Variants in CNTNAP5 observed in about 807,000 individuals in gnomAD.
CNTNAP5 encodes contactin-associated protein-like 5.
In CNTNAP5, 72 loss-of-function variants were observed where a neutral mutation model predicts 150.2. The observed-to-expected ratio is 0.48, with a 90% CI of 0.40 to 0.58. The LOEUF (loss-of-function observed/expected upper bound fraction) is 0.58. Among genes scored for constraint, CNTNAP5 ranks in the 20% least tolerant of loss-of-function variants. CNTNAP5 has a pLI of 0.00. For missense variants in CNTNAP5, 1,636 were observed against 1,626.2 expected (o/e 1.01, Z -0.10); for synonymous variants, 672 against 619.8 (o/e 1.08, Z -1.25).
intron 17 of CNTNAP5, among the ~76,000 whole-genome samples, chr2:124,774,571 T>G (rs1681279519): frequency 1.3e-5 from 2 of 152,220 alleles, no homozygotes; most frequent in African/African-American, 2.4e-5. Flanking sequence ...TTTTAAAAAT[T>G]TATATTGCTG....
At chr2:124,611,405 C>T (rs1504016) in intron 12 of CNTNAP5, among the ~76,000 whole-genome samples, 136,868 of 152,196 alleles carry the variant, frequency 0.9, 62,477 homozygotes, top group East Asian at 1. Flanking sequence ...TTGGGTGCCA[C>T]GTCCTTGCAT....
chr2:124,666,442 A>G (rs1573534370), intron 13 of CNTNAP5, among the ~76,000 whole-genome samples: 2 of 152,200 alleles, frequency 1.3e-5, no homozygotes, highest in East Asian at 3.9e-4. Context: ...ATTTATTAGT[A>G]TCTTATTGTC....
intron 10 of CNTNAP5, among the ~76,000 whole-genome samples, chr2:124,535,606 CAAAAA>C (rs1168717177): frequency 2.4e-4 from 18 of 75,976 alleles, no homozygotes; most frequent in South Asian, 5.1e-4. Context: ...TACTGAAATA[CAAAAA>C]AAAAAAAAAA....
At position 124,254,619 on chromosome 2, in the gene CNTNAP5, T is replaced by A. The variant is rs191643629; in HGVS notation, c.381+12226T>A. On this transcript the variant is annotated intron_variant, in intron 3 of 23. Transcript: ENST00000682447. The stretch of plus-strand genomic sequence containing the variant: ...TGACCAGATTTTAAGCCACTGGCAT[T>A]TTGTTTAAGTCAGTTCCCAGTAAAA... 1.4e-4 allele frequency among the ~76,000 whole-genome samples: 21 copies of A among 152,302 alleles called. No individual in the cohort carries two copies. The East Asian group carries it at 3.7e-3, about 27-fold the overall frequency.
chr2:124,477,183 A>G (rs924725744), intron 7 of CNTNAP5, among the ~76,000 whole-genome samples: 1 of 152,106 alleles, frequency 6.6e-6, no homozygotes, highest in African/African-American at 2.4e-5. Flanking sequence ...TCTTTAATCC[A>G]TGGCAAGAGT....
intron 19 of CNTNAP5, among the ~76,000 whole-genome samples, chr2:124,835,897 C>T (rs1287177049): frequency 6.6e-6 from 1 of 152,074 alleles, no homozygotes; most frequent in African/African-American, 2.4e-5. Context: ...ATCTCTTGTC[C>T]TAGATCACAC....
At chr2:124,306,858 G>T (rs1238666009) in intron 3 of CNTNAP5, among the ~76,000 whole-genome samples, 1 of 151,048 alleles carries the variant, frequency 6.6e-6, no homozygotes, top group Non-Finnish European at 1.5e-5. Flanking sequence ...CTCCTGAGTA[G>T]CTGGGATTAC....
intron 3 of CNTNAP5, among the ~76,000 whole-genome samples, chr2:124,308,214 T>A (rs887493451): frequency 6.6e-6 from 1 of 152,066 alleles, no homozygotes; most frequent in African/African-American, 2.4e-5. Context: ...TGTAAGAAAG[T>A]TATATTTTCT....
At chr2:124,367,670 G>C (rs1452411366) in intron 3 of CNTNAP5, among the ~76,000 whole-genome samples, 1 of 152,074 alleles carries the variant, frequency 6.6e-6, no homozygotes, top group Non-Finnish European at 1.5e-5. Flanking sequence ...GCAGTCTGTT[G>C]GCATAAATTA....
In CNTNAP5 at chr2:124,909,824, G is replaced by GATATATATATATATAT. The variant is rs1203121251; in HGVS notation, c.3656-1642_3656-1641insTATATATATATATATA. Among the ~76,000 whole-genome samples the GATATATATATATATAT allele has an allele frequency of 1.6e-3, 48 of 29,202 alleles. 2 individuals carry two copies. The highest frequency in any genetic ancestry group is 4.5e-3 in the African/African-American group (47 of 10,460). The allele number at this position is 29,202 out of a possible 152,430, so 19.2% of individuals were successfully genotyped here. On this transcript the variant is annotated intron_variant, in intron 22 of 23. Transcript: ENST00000682447. ...TATCACCCCATCGTTATCAATTGGT[G>GATATATATATATATAT]ACATATATATATATATATATATATA...
intron 1 of CNTNAP5, among the ~76,000 whole-genome samples, chr2:124,112,784 C>T (rs911110972): frequency 2.0e-5 from 3 of 152,098 alleles, no homozygotes; most frequent in African/African-American, 7.2e-5. Context: ...CAGCAAGCAT[C>T]CTTAAACACT....
chr2:124,226,047 G>T (rs1315207246), intron 2 of CNTNAP5, among the ~76,000 whole-genome samples: 3 of 152,038 alleles, frequency 2.0e-5, no homozygotes, highest in Non-Finnish European at 4.4e-5. Flanking sequence ...CCGTATCTTG[G>T]CTGCTATGAC....
At chr2:124,387,073 C>A (rs933782771) in intron 3 of CNTNAP5, among the ~76,000 whole-genome samples, 1 of 152,134 alleles carries the variant, frequency 6.6e-6, no homozygotes, top group African/African-American at 2.4e-5. Flanking sequence ...TCTCAGATTG[C>A]CAATGTCCAA....
rs997114101 is a variant in CNTNAP5 at position 124,660,431 on chromosome 2, A to G, written c.2077+12473A>G. Among the ~76,000 whole-genome samples the G allele has an allele frequency of 6.6e-5, 10 of 152,230 alleles. No individual in the cohort carries two copies. The East Asian group carries it at 7.7e-4, about 12-fold the overall frequency. On this transcript the variant is annotated intron_variant, in intron 13 of 23. Transcript: ENST00000682447. ...GTAGTATCTAAAACAGTGCTGTCCA[A>G]TGAAAATATAGCACAAGCCACATGG...
rs1023417674 is a variant in CNTNAP5, at chr2:124,798,276, A to G, written c.3173A>G (p.Asn1058Ser). ...GCACCCAGTCTTTTGCTCTTTATCAATTCTTCTTCTCAGGACTTCGTGGTT... is the reference window on the plus strand; with the variant it reads ...GCACCCAGTCTTTTGCTCTTTATCAGTTCTTCTTCTCAGGACTTCGTGGTT... ...TQAPSLLLFI[N>S]SSSQDFVVVL... is the part of the protein sequence containing the mutation. The change falls in exon 19 of 24, where the codon AAT becomes AGT. Residue 1058 changes from asparagine (N) to serine (S), a missense_variant. Coordinates refer to ENST00000682447, the MANE Select transcript of CNTNAP5 (RefSeq NM_001367498.1). The G allele has an allele frequency of 2.5e-6, 4 of 1,613,822 alleles. No individual in the cohort carries two copies. The highest frequency in any genetic ancestry group is 2.2e-5 in the East Asian group (1 of 44,852).
chr2:124,510,448 A>G (rs1377672606), intron 8 of CNTNAP5, among the ~76,000 whole-genome samples: 2 of 139,948 alleles, frequency 1.4e-5, no homozygotes, highest in African/African-American at 5.3e-5. Context: ...CATCAAAAAA[A>G]CAAACAAAAA....
chr2:124,174,554 T>A (rs745887919), intron 1 of CNTNAP5, among the ~76,000 whole-genome samples: 3 of 152,142 alleles, frequency 2.0e-5, no homozygotes, highest in Non-Finnish European at 4.4e-5. Context: ...GAACTAAAAG[T>A]GGAACCTGAA....
intron 13 of CNTNAP5, among the ~76,000 whole-genome samples, chr2:124,694,028 TG>T (rs1679354071): frequency 6.6e-6 from 1 of 152,028 alleles, no homozygotes; most frequent in Non-Finnish European, 1.5e-5. Flanking sequence ...TAAACAACTG[TG>T]TACACACTTA....
chr2:124,638,694 T>C (rs1379643004), intron 12 of CNTNAP5, among the ~76,000 whole-genome samples: 1 of 152,220 alleles, frequency 6.6e-6, no homozygotes, highest in East Asian at 1.9e-4. Context: ...CCAACTTTTT[T>C]AGATAACTAT....
Sources: allele counts gnomAD v4.1 joint callset (sites outside exome capture counted in the v4.1 genomes callset), GRCh38; gene constraint gnomAD v4.1.1; transcripts MANE v1.5; gene names NCBI Gene and HGNC (gene_info 2026-07-23, HGNC 2026-07-21).